CLSTN2: variants seen among roughly 807,000 people sequenced by gnomAD.
The protein encoded by CLSTN2 is calsyntenin-2.
A neutral mutation model predicts 101.2 loss-of-function variants in CLSTN2; 48 were observed. The ratio of observed to expected loss-of-function variants is 0.47; its 90% confidence interval spans 0.38 to 0.60. The LOEUF (loss-of-function observed/expected upper bound fraction) is 0.60, where lower values mean the gene tolerates loss of function less well. Ranked by LOEUF, CLSTN2 falls within the 20% of genes least tolerant of loss-of-function variation. The pLI, the probability that CLSTN2 is intolerant of heterozygous loss-of-function variation, is 0.00. For missense variants in CLSTN2, 1,160 were observed against 1,238.2 expected (o/e 0.94, Z 0.95); for synonymous variants, 481 against 463.6 (o/e 1.04, Z -0.48).
At chr3:140,393,749 C>T (rs2088148492) in intron 2 of CLSTN2, among the ~76,000 whole-genome samples, 2 of 152,222 alleles carry the variant, frequency 1.3e-5, no homozygotes, top group South Asian at 4.2e-4. Context: ...AGATCCCTTC[C>T]TTGTTTAATA....
chr3:140,075,926 A>AAG (rs1553796111), intron 1 of CLSTN2, among the ~76,000 whole-genome samples: 8 of 152,226 alleles, frequency 5.3e-5, no homozygotes, highest in African/African-American at 1.9e-4. Context: ...TAAAAAAAAA[A>AAG]AATTGTAGTA....
Position 140,571,902 on chromosome 3 carries a change from T to A in CLSTN2, c.*5649T>A, listed in dbSNP as rs1985564921. 6.6e-6 allele frequency: 1 copy of A among 152,296 alleles called. No homozygotes were observed. Among genetic ancestry groups the A allele is most frequent in the South Asian group, 2.1e-4 (1 of 4,832 alleles). 9.4% of individuals were successfully genotyped at this position (152,296 alleles called of 1,614,324 possible). ...AGCACCCCAGAAAGCTGACAGATAT[T>A]CCCTGTATGCAGGTAGTAAACAGAT... On this transcript the variant is annotated 3_prime_UTR_variant, in exon 17 of 17. Coordinates refer to ENST00000458420, the MANE Select transcript of CLSTN2 (RefSeq NM_022131.3).
chr3:140,466,875 G>A (rs1933719208), intron 8 of CLSTN2, 144 bp downstream of exon 8: 2 of 1,058,280 alleles, frequency 1.9e-6, no homozygotes, highest in Middle Eastern at 3.1e-4. Flanking sequence ...GAGACACACA[G>A]CATCTTAAAG....
chr3:140,064,600 C>A (rs2008266884), intron 1 of CLSTN2, among the ~76,000 whole-genome samples: 1 of 152,166 alleles, frequency 6.6e-6, no homozygotes, highest in Non-Finnish European at 1.5e-5. Flanking sequence ...TACTTAGAAG[C>A]AAACCCATAG....
At chr3:139,977,088 C>T (rs1177659842) in intron 1 of CLSTN2, among the ~76,000 whole-genome samples, 2 of 152,152 alleles carry the variant, frequency 1.3e-5, no homozygotes, top group Non-Finnish European at 2.9e-5. Context: ...AACTCTCTAT[C>T]CTGCCTGCCA....
intron 2 of CLSTN2, among the ~76,000 whole-genome samples, chr3:140,233,567 T>C (rs2086390046): frequency 6.6e-6 from 1 of 152,248 alleles, no homozygotes; most frequent in African/African-American, 2.4e-5. Flanking sequence ...TAATTGTATA[T>C]GTTAGATGAC....
chr3:140,117,528 C>A (rs755823663), intron 1 of CLSTN2, among the ~76,000 whole-genome samples: 1 of 152,150 alleles, frequency 6.6e-6, no homozygotes, highest in Non-Finnish European at 1.5e-5. Flanking sequence ...TGACTGCTAG[C>A]CCTCATGGAA....
intron 1 of CLSTN2, among the ~76,000 whole-genome samples, chr3:139,956,932 C>G (rs1188773469): frequency 6.6e-6 from 1 of 152,218 alleles, no homozygotes; most frequent in Non-Finnish European, 1.5e-5. Flanking sequence ...TGCATCCTCC[C>G]CTCTTTCTGG....
intron 9 of CLSTN2, among the ~76,000 whole-genome samples, chr3:140,544,063 A>G (rs1400308789): frequency 1.3e-5 from 2 of 152,238 alleles, no homozygotes; most frequent in Non-Finnish European, 2.9e-5. Flanking sequence ...AGACAACCAC[A>G]GGGCCCACCA....
chr3:140,432,327 C>CGT (rs2088640741), intron 5 of CLSTN2, among the ~76,000 whole-genome samples: 1 of 152,182 alleles, frequency 6.6e-6, no homozygotes, highest in African/African-American at 2.4e-5. Context: ...GAACCACACA[C>CGT]GATGGGGCTC....
intron 2 of CLSTN2, among the ~76,000 whole-genome samples, chr3:140,204,865 T>C (rs1339937271): frequency 6.6e-6 from 1 of 152,094 alleles, no homozygotes; most frequent in Non-Finnish European, 1.5e-5. Flanking sequence ...TGTCCCGCTG[T>C]CCCCCATTCT....
intron 4 of CLSTN2, 101 bp from the exon 5 acceptor site, chr3:140,421,024 C>T (rs1314874294): frequency 4.1e-6 from 5 of 1,232,946 alleles, no homozygotes; most frequent in Admixed American, 2.0e-5. Context: ...AAAAGGGTCA[C>T]TTTCTTCCTG....
chr3:140,366,003 G>A (rs1389862807), intron 2 of CLSTN2, among the ~76,000 whole-genome samples: 2 of 152,182 alleles, frequency 1.3e-5, no homozygotes, highest in African/African-American at 4.8e-5. Flanking sequence ...TGCTGGGCCA[G>A]AAACCCTCTC....
chr3:140,412,856 A>G (rs1416080526), intron 4 of CLSTN2, among the ~76,000 whole-genome samples: 1 of 152,212 alleles, frequency 6.6e-6, no homozygotes, highest in Non-Finnish European at 1.5e-5. Context: ...TGAAATCACA[A>G]TATGTCAAAA....
intron 1 of CLSTN2, among the ~76,000 whole-genome samples, chr3:139,982,007 T>C (rs7653609): frequency 0.33 from 49,851 of 151,940 alleles, 10,105 homozygotes; most frequent in Non-Finnish European, 0.46. Flanking sequence ...GCATTCCCTT[T>C]CCTCTATTGG....
intron 4 of CLSTN2, among the ~76,000 whole-genome samples, chr3:140,419,165 T>G (rs2088465134): frequency 6.6e-6 from 1 of 151,850 alleles, no homozygotes; most frequent in African/African-American, 2.4e-5. Context: ...CAATTTTTCT[T>G]TAGTTTTGAT....
chr3:140,426,099 T>C lies in CLSTN2; in HGVS notation c.787+4825T>C, dbSNP rs570972904. 9.2e-5 allele frequency among the ~76,000 whole-genome samples: 14 copies of C among 152,348 alleles called. No individual in the cohort carries two copies. The South Asian group carries it at 2.9e-3, about 32-fold the overall frequency. On this transcript the variant is annotated intron_variant, in intron 5 of 16. Coordinates refer to ENST00000458420, the MANE Select transcript of CLSTN2 (RefSeq NM_022131.3). ...CATCCTGCCTCTCATGCCAGGTTTTTGAATTTGCAATCTTTCTTTTTAAAG... is the reference window on the plus strand; with the variant it reads ...CATCCTGCCTCTCATGCCAGGTTTTCGAATTTGCAATCTTTCTTTTTAAAG...
intron 2 of CLSTN2, among the ~76,000 whole-genome samples, chr3:140,271,886 G>T (rs2086745354): frequency 6.6e-6 from 1 of 152,236 alleles, no homozygotes; most frequent in South Asian, 2.1e-4. Flanking sequence ...CTCAGCTAAT[G>T]TGCAAAATGT....
chr3:140,011,901 A>T (rs1045932443), intron 1 of CLSTN2, among the ~76,000 whole-genome samples: 20 of 151,948 alleles, frequency 1.3e-4, no homozygotes, highest in African/African-American at 4.8e-4. Context: ...TGGGGTGCCG[A>T]ATGGTCCTAG....
Sources: gnomAD v4.1 joint callset for allele counts (sites outside exome capture counted in the v4.1 genomes callset) on GRCh38, gnomAD v4.1.1 for gene constraint, MANE v1.5 for transcripts, NCBI Gene and HGNC (gene_info 2026-07-23, HGNC 2026-07-21) for gene names.